Variants in DPP6 observed in about 807,000 individuals in gnomAD.
The protein encoded by DPP6 is A-type potassium channel modulatory protein DPP6.
In DPP6, 69 loss-of-function variants were observed where a neutral mutation model predicts 122.6. The ratio of observed to expected loss-of-function variants is 0.56; its 90% CI spans 0.46 to 0.69. The LOEUF is 0.69. Ranked by LOEUF, DPP6 falls within the 30% of genes least tolerant of loss-of-function variation. The probability of loss-of-function intolerance (pLI) is 0.00; values close to 1 mark genes in which losing one functional copy is unlikely to be tolerated. For missense variants in DPP6, 928 were observed against 1,116.9 expected (o/e 0.83, Z 2.41); for synonymous variants, 418 against 433.1 (o/e 0.97, Z 0.43).
chr7:154,136,567 C>T (rs575051873), intron 1 of DPP6, among the ~76,000 whole-genome samples: 4 of 152,280 alleles, frequency 2.6e-5, no homozygotes, highest in South Asian at 2.1e-4. Context: ...ACATCACTTG[C>T]GAAACTCCTA....
intron 1 of DPP6, among the ~76,000 whole-genome samples, chr7:154,033,712 T>C (rs1340271387): frequency 6.6e-6 from 1 of 152,212 alleles, no homozygotes. Flanking sequence ...TTGATTAGTT[T>C]TCTAGAAAAG....
chr7:153,828,088 G>A, the DPP6 span, among the ~76,000 whole-genome samples: 58 of 152,246 alleles, frequency 3.8e-4, 1 homozygote, highest in Middle Eastern at 3.4e-3. Flanking sequence ...CCCCACAGCA[G>A]CAAGAAGCCC....
intron 5 of DPP6, among the ~76,000 whole-genome samples, chr7:154,575,344 TGTGTGTGTGGTGTGTGTGTG>T (rs1831521472): frequency 1.7e-5 from 1 of 60,006 alleles, no homozygotes. Context: ...GGTGTGTGTA[TGTGTGTGTGGTGTGTGTGTG>T]ATGTGTGTGT....
At chr7:154,350,372 T>C (rs1370873710) in intron 1 of DPP6, among the ~76,000 whole-genome samples, 3 of 152,148 alleles carry the variant, frequency 2.0e-5, no homozygotes, top group African/African-American at 4.8e-5. Flanking sequence ...ATATGTGTGA[T>C]GCAGTGGAAT....
At chr7:154,796,100 G>C in intron 12 of DPP6, 1 of 651,762 alleles carries the variant, frequency 1.5e-6, no homozygotes, top group South Asian at 3.0e-5. Flanking sequence ...AGGGAGGGTC[G>C]TGTGAAAATC....
chr7:153,841,876 G>C, the DPP6 span, among the ~76,000 whole-genome samples: 1 of 152,166 alleles, frequency 6.6e-6, no homozygotes, highest in Non-Finnish European at 1.5e-5. Flanking sequence ...CTTTCTATGC[G>C]TTATATTCGT....
At chr7:153,888,178 C>T (rs995878744) in intron 1 of DPP6, among the ~76,000 whole-genome samples, 1 of 152,140 alleles carries the variant, frequency 6.6e-6, no homozygotes, top group Non-Finnish European at 1.5e-5. Flanking sequence ...GAACTCGAGA[C>T]CTGTTGGGTC....
chr7:153,971,947 G>A, intron 1 of DPP6, among the ~76,000 whole-genome samples: 1 of 147,680 alleles, frequency 6.8e-6, no homozygotes. Flanking sequence ...AGTGAGCTGG[G>A]GCCCTCGTAA....
At chr7:154,061,410 C>G (rs1386325801) in intron 1 of DPP6, among the ~76,000 whole-genome samples, 1 of 146,916 alleles carries the variant, frequency 6.8e-6, no homozygotes, top group African/African-American at 2.5e-5. Flanking sequence ...GGGGCCCTGG[C>G]TGAGGCCGGT....
intron 1 of DPP6, among the ~76,000 whole-genome samples, chr7:154,284,312 C>T (rs1804711573): frequency 6.6e-6 from 1 of 152,072 alleles, no homozygotes; most frequent in Non-Finnish European, 1.5e-5. Context: ...CAAATTTTAA[C>T]AAATTAGTTA....
intron 1 of DPP6, among the ~76,000 whole-genome samples, chr7:153,927,876 AGT>A (rs1800975046): frequency 6.6e-6 from 1 of 152,238 alleles, no homozygotes; most frequent in South Asian, 2.1e-4. Context: ...TATCCTTTGT[AGT>A]ATCCTTTATT....
intron 1 of DPP6, among the ~76,000 whole-genome samples, chr7:154,035,651 T>C (rs1236312431): frequency 6.6e-6 from 1 of 151,832 alleles, no homozygotes; most frequent in Non-Finnish European, 1.5e-5. Context: ...CATTTATCCA[T>C]CTAAACACCC....
At chr7:154,369,965 C>CATTTATTT (rs36198177) in intron 1 of DPP6, among the ~76,000 whole-genome samples, 42,143 of 145,678 alleles carry the variant, frequency 0.29, 7,128 homozygotes, top group East Asian at 0.39. Flanking sequence ...CAGATATATG[C>CATTTATTT]ATTTATTTAT....
chr7:154,499,117 A>G (rs1372197533), intron 3 of DPP6, among the ~76,000 whole-genome samples: 3 of 152,142 alleles, frequency 2.0e-5, no homozygotes, highest in Non-Finnish European at 4.4e-5. Context: ...GAATATTTTT[A>G]TCTGGACATA....
chr7:154,605,008 A>T lies in DPP6; in HGVS notation c.628-32813A>T, dbSNP rs768242253. ...TTTCATGCCTAAGTGTGTTTTCTGT[A>T]TGCTTTGGTATCTCTTTTTTTTTTT... On this transcript the variant is annotated intron_variant, in intron 5 of 25. Transcript: ENST00000377770. Among the ~76,000 whole-genome samples the T allele has an allele frequency of 2.0e-4, 9 of 45,506 alleles. 3 individuals are homozygous for T. Among genetic ancestry groups the T allele is most frequent in the South Asian group, 4.4e-3 (2 of 452 alleles). 29.9% of individuals were successfully genotyped at this position (45,506 alleles called of 152,430 possible).
chr7:154,774,414 G>A (rs1020456785), intron 10 of DPP6, among the ~76,000 whole-genome samples: 1 of 152,172 alleles, frequency 6.6e-6, no homozygotes, highest in Non-Finnish European at 1.5e-5. Context: ...AATATGGAAA[G>A]TCACCTGGAA....
At chr7:154,622,690 G>C (rs373712111) in intron 5 of DPP6, among the ~76,000 whole-genome samples, 2 of 152,092 alleles carry the variant, frequency 1.3e-5, no homozygotes, top group African/African-American at 2.4e-5. Context: ...CAACACCATC[G>C]AATGACCATT....
intron 1 of DPP6, among the ~76,000 whole-genome samples, chr7:154,234,128 G>C (rs551780909): frequency 1.3e-5 from 2 of 152,296 alleles, no homozygotes; most frequent in African/African-American, 4.8e-5. Context: ...ATTAAGTTAG[G>C]ACAATGTGGC....
chr7:154,029,739 G>A (rs186841426), intron 1 of DPP6, among the ~76,000 whole-genome samples: 2,772 of 150,608 alleles, frequency 0.018, 59 homozygotes, highest in African/African-American at 0.063. Flanking sequence ...CCAGCTACTC[G>A]GGAGGCTGAG....
Sources: gnomAD v4.1 joint callset for allele counts (sites outside exome capture counted in the v4.1 genomes callset) on GRCh38, gnomAD v4.1.1 for gene constraint, MANE v1.5 for transcripts, NCBI Gene and HGNC (gene_info 2026-07-23, HGNC 2026-07-21) for gene names.